The following EP400 variants were observed in gnomAD, a reference collection of about 807,000 sequenced individuals.
EP400 encodes the protein E1A-binding protein p400.
Under a neutral mutation model 354.1 loss-of-function variants are expected in EP400, and 105 were observed. The observed-to-expected ratio is 0.30, with a 90% CI of 0.25 to 0.35. The LOEUF (loss-of-function observed/expected upper bound fraction) is 0.35. Among genes scored for constraint, EP400 ranks in the 10% least tolerant of loss-of-function variants. The pLI is 1.00. For missense variants in EP400, 3,280 were observed against 4,121.0 expected (o/e 0.80, Z 5.59); for synonymous variants, 1,646 against 1,716.9 (o/e 0.96, Z 1.02).
intron 32 of EP400, among the ~76,000 whole-genome samples, chr12:132,042,512 A>G (rs541686226): frequency 1.8e-4 from 27 of 152,132 alleles, no homozygotes; most frequent in African/African-American, 5.1e-4. Flanking sequence ...TTTCTTCTAC[A>G]TGTTGCATTG....
At chr12:131,953,707 G>A (rs1020679294) in intron 1 of EP400, among the ~76,000 whole-genome samples, 1 of 152,172 alleles carries the variant, frequency 6.6e-6, no homozygotes, top group Non-Finnish European at 1.5e-5. Flanking sequence ...TATAGATCTT[G>A]GGTTAGTAGC....
chr12:132,077,223 C>T (rs972138674), intron 52 of EP400, among the ~76,000 whole-genome samples, 178 bp from the exon 53 acceptor site: 2 of 152,168 alleles, frequency 1.3e-5, no homozygotes, highest in East Asian at 1.9e-4. Flanking sequence ...TTTAATTTTC[C>T]ACTTGTGTTT....
In EP400 at chr12:131,960,850, G is replaced by A; in HGVS notation, c.231G>A (p.Gln77=). 1.9e-6 allele frequency: 3 copies of A among 1,613,980 alleles called. No homozygotes were observed. The highest frequency in any genetic ancestry group is 2.5e-6 in the Non-Finnish European group (3 of 1,180,020). ...ATGQNVNITL[Q]SVGPVVGGNQ... is the part of the protein sequence containing the mutation. ...GGCAGAACGTGAACATCACCCTGCA[G>A]AGCGTGGGCCCTGTCGTCGGGGGAA... is the stretch of plus-strand genomic sequence containing the variant. The change falls in exon 2 of 53, where the codon CAG becomes CAA. Residue 77 remains glutamine (Q), a synonymous_variant. Coordinates refer to ENST00000389561, the MANE Select transcript of EP400 (RefSeq NM_015409.5).
At chr12:132,045,191 G>T (rs1895049141) in intron 37 of EP400, 128 bp from the exon 38 acceptor site, 2 of 1,451,564 alleles carry the variant, frequency 1.4e-6, no homozygotes, top group Admixed American at 2.2e-5. Context: ...TCTGTCTTTG[G>T]CAGGTGCTTT....
chr12:132,068,893 C>T (rs1220866569), intron 50 of EP400: 1 of 152,646 alleles, frequency 6.6e-6, no homozygotes, highest in African/African-American at 2.4e-5. Context: ...GTCCCTCAGG[C>T]TTGAGCTGTG....
In EP400 at chr12:131,994,981, C is replaced by T. The variant is rs1322685560; in HGVS notation, c.2827+25C>T. ...GGTAGGCTGTTGCTACCTTATTAAA[C>T]ATTCAGTAAGTAAAAAGAAACATTT... On this transcript the variant is annotated intron_variant, in intron 12 of 52. Transcript: ENST00000389561. This position sits in a 1 kb window ranked among gnomAD's most constrained non-coding sequence, Gnocchi z 4.6. The T allele has an allele frequency of 5.6e-6, 9 of 1,595,212 alleles. No individual in the cohort carries two copies. Among genetic ancestry groups the T allele is most frequent in the Non-Finnish European group, 7.7e-6 (9 of 1,164,116 alleles).
At chr12:132,071,002 C>T (rs950189745) in intron 51 of EP400, among the ~76,000 whole-genome samples, 2 of 152,176 alleles carry the variant, frequency 1.3e-5, no homozygotes, top group Admixed American at 6.5e-5. Flanking sequence ...TAAATCATGA[C>T]GATCTACTTC....
At chr12:132,056,130 G>A (rs561374218) in intron 45 of EP400, among the ~76,000 whole-genome samples, 4 of 152,108 alleles carry the variant, frequency 2.6e-5, no homozygotes, top group Admixed American at 1.3e-4. Context: ...CTTCTCTTGG[G>A]TGTTTCATCA....
intron 7 of EP400, 43 bp downstream of exon 7, chr12:131,987,933 G>A: frequency 6.6e-7 from 1 of 1,504,340 alleles, no homozygotes; most frequent in Non-Finnish European, 8.9e-7. Context: ...GTGCGTTGGT[G>A]GGGGCTTGAG....
At chr12:132,030,783 A>C (rs1894463209) in intron 29 of EP400, among the ~76,000 whole-genome samples, 1 of 152,220 alleles carries the variant, frequency 6.6e-6, no homozygotes, top group African/African-American at 2.4e-5. Flanking sequence ...AGTGTTCAGC[A>C]GAAGAGTGAG....
intron 2 of EP400, among the ~76,000 whole-genome samples, chr12:131,964,623 A>G (rs1892012364): frequency 6.6e-6 from 1 of 152,180 alleles, no homozygotes; most frequent in Admixed American, 6.5e-5. Flanking sequence ...AATAGTTGCA[A>G]TTAATTATTT....
chr12:131,951,065 A>ATTTTTTTT (rs750396319), intron 1 of EP400, among the ~76,000 whole-genome samples: 234 of 104,138 alleles, frequency 2.2e-3, no homozygotes, highest in African/African-American at 5.2e-3. Flanking sequence ...ACGCCTGGCT[A>ATTTTTTTT]TTTTTTTTTT....
intron 24 of EP400, 99 bp downstream of exon 24, chr12:132,024,040 A>G: frequency 7.6e-7 from 1 of 1,312,204 alleles, no homozygotes; most frequent in South Asian, 1.7e-5. Flanking sequence ...TTTAAGTGTC[A>G]GGCTTTTCCC....
At chr12:132,015,056 T>C (rs1241566276) in intron 19 of EP400, among the ~76,000 whole-genome samples, 1 of 152,246 alleles carries the variant, frequency 6.6e-6, no homozygotes, top group Non-Finnish European at 1.5e-5. Context: ...ACTCATGGGC[T>C]CGCCAGGGTT....
chr12:132,024,982 T>A (rs1894254651), intron 24 of EP400, among the ~76,000 whole-genome samples: 1 of 152,072 alleles, frequency 6.6e-6, no homozygotes, highest in Non-Finnish European at 1.5e-5. Flanking sequence ...ACTGACCTCC[T>A]TAGAGAGACA....
chr12:131,995,527 T>C (rs112602993), intron 12 of EP400, among the ~76,000 whole-genome samples: 8 of 145,128 alleles, frequency 5.5e-5, no homozygotes, highest in Middle Eastern at 3.9e-3. Context: ...ACCGTTCATC[T>C]TGAGTGTGTG....
Position 132,025,735 on chromosome 12 carries a change from G to A in EP400, c.4945G>A (p.Ala1649Thr), listed in dbSNP as rs148749054. ...GATGCAGACCGTGTCTCAGGCGGGC[G>A]CTGTGCACGGCGCCCTGGGAAGCAA... The part of the protein sequence containing the change: ...VVMQTVSQAG[A>T]VHGALGSKPP... The change falls in exon 25 of 53, where the codon GCT (alanine) becomes ACT (threonine). Residue 1649 changes from alanine to threonine, a missense_variant. Ala to Thr is a moderately conservative substitution (Grantham distance 58, BLOSUM62 0). This residue lies in a region of EP400 where 459 missense variants were observed against 496.9 expected (regional missense o/e 0.92). Coordinates refer to ENST00000389561, the MANE Select transcript of EP400 (RefSeq NM_015409.5). The surrounding 1 kb of genome is among the most constrained non-coding windows in gnomAD (Gnocchi z 4.1). 3.4e-3 allele frequency: 5,537 copies of A among 1,612,658 alleles called. 17 individuals carry two copies. The highest frequency in any genetic ancestry group is 0.011 in the Middle Eastern group (66 of 6,060).
chr12:132,065,129 G>C (rs1005509153), intron 48 of EP400: 1 of 708,444 alleles, frequency 1.4e-6, no homozygotes, highest in East Asian at 2.8e-5. Context: ...GAATTGAGGG[G>C]GGTGGAGAGT....
At chr12:132,002,950 A>G (rs1893466037) in intron 12 of EP400, among the ~76,000 whole-genome samples, 1 of 152,228 alleles carries the variant, frequency 6.6e-6, no homozygotes, top group African/African-American at 2.4e-5. Context: ...GTTTAATTCT[A>G]AGTATATTTA....
Sources: allele counts gnomAD v4.1 joint callset (sites outside exome capture counted in the v4.1 genomes callset), GRCh38; gene constraint gnomAD v4.1.1; regional missense constraint gnomAD v4.1.1; non-coding constraint Gnocchi (gnomAD v3.1); transcripts MANE v1.5; gene names NCBI Gene and HGNC (gene_info 2026-07-23, HGNC 2026-07-21).